Variants in ZDHHC11B observed in about 807,000 individuals in gnomAD.
The protein encoded by ZDHHC11B is probable palmitoyltransferase ZDHHC11B.
In ZDHHC11B, 17 loss-of-function variants were observed where a neutral mutation model predicts 42.3. That is an observed-to-expected ratio of 0.40 (90% CI 0.27 to 0.60). ZDHHC11B has a LOEUF of 0.60. Among genes scored for constraint, ZDHHC11B ranks in the 20% least tolerant of loss-of-function variants. The pLI is 0.41. For missense variants in ZDHHC11B, 262 were observed against 463.2 expected, an observed-to-expected ratio of 0.57 and a Z score of 3.99; for synonymous variants, 123 against 193.5, an observed-to-expected ratio of 0.64 and a Z score of 3.02.
chr5:774,135 C>T (rs1185032557), intron 1 of ZDHHC11B, among the ~76,000 whole-genome samples: 3 of 152,012 alleles, frequency 2.0e-5, no homozygotes, highest in Non-Finnish European at 4.4e-5. Context: ...GCCCCAACCC[C>T]ACAGGCTGTT....
intron 1 of ZDHHC11B, among the ~76,000 whole-genome samples, chr5:777,722 G>C (rs1391612414): frequency 6.6e-6 from 1 of 151,946 alleles, no homozygotes; most frequent in Admixed American, 6.6e-5. Flanking sequence ...AGACATAAAA[G>C]TTCTCCAAGC....
chr5:725,914 G>A (rs1360607752), intron 12 of ZDHHC11B, among the ~76,000 whole-genome samples: 1 of 151,676 alleles, frequency 6.6e-6, no homozygotes, highest in African/African-American at 2.4e-5. Context: ...ATGCTTGGCA[G>A]GGGGATGATG....
intron 1 of ZDHHC11B, among the ~76,000 whole-genome samples, chr5:780,911 A>G (rs1237940251): frequency 4.2e-4 from 63 of 151,178 alleles, no homozygotes; most frequent in African/African-American, 1.4e-3. Flanking sequence ...TGGACGCCCC[A>G]GAAGCAGCCA....
At chr5:724,082 C>G (rs1297450260) in intron 12 of ZDHHC11B, among the ~76,000 whole-genome samples, 1 of 151,630 alleles carries the variant, frequency 6.6e-6, no homozygotes, top group African/African-American at 2.4e-5. Context: ...GGGTTCAGAC[C>G]TGTCCACACA....
chr5:764,143 A>T (rs1412842622), intron 4 of ZDHHC11B, among the ~76,000 whole-genome samples: 2 of 151,912 alleles, frequency 1.3e-5, no homozygotes, highest in African/African-American at 4.8e-5. Context: ...GATACACACC[A>T]CGCTCACCAT....
chr5:784,709 C>T lies in ZDHHC11B; in HGVS notation c.-271G>A, dbSNP rs887178302. On this transcript the variant is annotated 5_prime_UTR_variant, in exon 1 of 14. Transcript: ENST00000508859. The stretch of plus-strand genomic sequence containing the variant: ...CTGCAGCGGAGGCTCCCCCGCGACC[C>T]GGCCGCGCGCGACCAAGTGCTCAGC... Among the ~76,000 whole-genome samples the T allele has an allele frequency of 1.3e-4, 19 of 150,062 alleles. No homozygotes were observed. The highest frequency in any genetic ancestry group is 4.6e-4 in the African/African-American group (19 of 40,906).
intron 4 of ZDHHC11B, among the ~76,000 whole-genome samples, chr5:765,730 C>A (rs1252307344): frequency 6.6e-6 from 1 of 151,932 alleles, no homozygotes; most frequent in South Asian, 2.1e-4. Context: ...TCTGCAGCTT[C>A]ATTCCTGAAC....
intron 4 of ZDHHC11B, among the ~76,000 whole-genome samples, chr5:764,080 G>A (rs566165622): frequency 1.3e-5 from 2 of 152,040 alleles, no homozygotes; most frequent in South Asian, 4.2e-4. Context: ...CTGTCCTCAT[G>A]GCACCTGCTC....
intron 10 of ZDHHC11B, among the ~76,000 whole-genome samples, chr5:737,765 G>T (rs1207872290): frequency 6.7e-6 from 1 of 148,960 alleles, no homozygotes; most frequent in African/African-American, 2.5e-5. Context: ...CTTTATAATA[G>T]AACACTCATC....
intron 11 of ZDHHC11B, among the ~76,000 whole-genome samples, chr5:733,331 T>A (rs1321272995): frequency 6.6e-6 from 1 of 151,768 alleles, no homozygotes; most frequent in Admixed American, 6.6e-5. Context: ...TTCCCATCTG[T>A]CTCCCACACA....
intron 6 of ZDHHC11B, among the ~76,000 whole-genome samples, chr5:754,271 G>A (rs1365061766): frequency 7.8e-6 from 1 of 128,294 alleles, no homozygotes. Context: ...TCTCGTCTAT[G>A]AGCCTCCACC....
chr5:765,230 T>C (rs1376940623), intron 4 of ZDHHC11B, among the ~76,000 whole-genome samples: 5 of 151,380 alleles, frequency 3.3e-5, no homozygotes, highest in Admixed American at 3.3e-4. Context: ...GGATTGTAAA[T>C]ACACCAATCA....
At chr5:719,912 C>T (rs1183325133) in intron 12 of ZDHHC11B, among the ~76,000 whole-genome samples, 1 of 151,738 alleles carries the variant, frequency 6.6e-6, no homozygotes, top group Non-Finnish European at 1.5e-5. Flanking sequence ...TCATTCTGCC[C>T]TGCTCTGCCC....
At chr5:771,637 C>G (rs1222183150) in intron 1 of ZDHHC11B, among the ~76,000 whole-genome samples, 1 of 151,752 alleles carries the variant, frequency 6.6e-6, no homozygotes, top group Middle Eastern at 3.2e-3. Context: ...TCTCACAGGC[C>G]TGGCCTGTGT....
chr5:754,617 CCATCTGCG>C (rs1746359209), intron 6 of ZDHHC11B, among the ~76,000 whole-genome samples: 3 of 127,422 alleles, frequency 2.4e-5, no homozygotes, highest in Admixed American at 9.0e-5. Context: ...CACCTCTCGT[CCATCTGCG>C]CTGGGTGCCC....
rs1163123464 is a variant in ZDHHC11B, at chr5:767,331, C to A, written c.-1+61G>T. The A allele has an allele frequency of 1.9e-5, 30 of 1,545,762 alleles. No individual in the cohort carries two copies. In the Admixed American group the frequency reaches 3.8e-4, roughly 19 times the overall value. ...CCACACACATGTGGGGCTCCGGGTC[C>A]CACACCAGGGCGCAGCTGAAGCTGG... On this transcript the variant is annotated intron_variant, in intron 3 of 13. Coordinates refer to ENST00000508859, the MANE Select transcript of ZDHHC11B (RefSeq NM_001351303.2).
chr5:734,034 T>C (rs375796876), intron 10 of ZDHHC11B, among the ~76,000 whole-genome samples, 195 bp from the exon 11 acceptor site: 10,310 of 138,068 alleles, frequency 0.075, 572 homozygotes, highest in African/African-American at 0.25. Flanking sequence ...GTAAGAAGCT[T>C]CTCGTGTAAA....
intron 4 of ZDHHC11B, among the ~76,000 whole-genome samples, chr5:756,556 A>G (rs1446599787): frequency 6.6e-6 from 1 of 151,268 alleles, no homozygotes; most frequent in Non-Finnish European, 1.5e-5. Context: ...AATGTACCGC[A>G]CCCCCAGAGG....
chr5:774,905 G>A (rs1387561915), intron 1 of ZDHHC11B, among the ~76,000 whole-genome samples: 5 of 151,952 alleles, frequency 3.3e-5, no homozygotes, highest in African/African-American at 7.2e-5. Flanking sequence ...CGGGGGTGGC[G>A]CCGACAGAGC....
Sources: allele counts gnomAD v4.1 joint callset (sites outside exome capture counted in the v4.1 genomes callset), GRCh38; gene constraint gnomAD v4.1.1; transcripts MANE v1.5; gene names NCBI Gene and HGNC (gene_info 2026-07-23, HGNC 2026-07-21).